The following KIAA0319L variants were observed in gnomAD, a reference collection of about 807,000 sequenced individuals.
The protein encoded by KIAA0319L is dyslexia-associated protein KIAA0319-like protein.
Under a neutral mutation model 120.1 loss-of-function variants are expected in KIAA0319L, and 55 were observed. The observed-to-expected ratio is 0.46, with a 90% CI of 0.37 to 0.57. The LOEUF (loss-of-function observed/expected upper bound fraction) is 0.57. Among genes scored for constraint, KIAA0319L ranks in the 20% least tolerant of loss-of-function variants. The pLI, the probability that KIAA0319L is intolerant of heterozygous loss-of-function variation, is 0.00. For missense variants in KIAA0319L, 1,049 were observed against 1,255.3 expected, an observed-to-expected ratio of 0.84 and a Z score of 2.48; for synonymous variants, 398 against 471.9, an observed-to-expected ratio of 0.84 and a Z score of 2.03.
At chr1:35,479,349 C>T (rs529959967) in intron 3 of KIAA0319L, 137 bp from the exon 4 acceptor site, 1 of 674,874 alleles carries the variant, frequency 1.5e-6, no homozygotes, top group Non-Finnish European at 2.4e-6. Flanking sequence ...ACTAATCTCA[C>T]CACCCAAATA....
chr1:35,545,785 C>A (rs1411301612), intron 2 of KIAA0319L, among the ~76,000 whole-genome samples: 1 of 152,068 alleles, frequency 6.6e-6, no homozygotes, highest in Non-Finnish European at 1.5e-5. Context: ...ATCCCAGCTA[C>A]TCAGGAGGCT....
intron 2 of KIAA0319L, among the ~76,000 whole-genome samples, chr1:35,548,402 G>GTATATTTAATACAGTATTAATAGTTT (rs1647066877): frequency 2.0e-5 from 3 of 151,892 alleles, no homozygotes; most frequent in South Asian, 2.1e-4. Context: ...CAGTATTATA[G>GTATATTTAATACAGTATTAATAGTTT]TATATTTAAT....
chr1:35,535,999 A>C (rs1646560486), intron 2 of KIAA0319L, among the ~76,000 whole-genome samples: 2 of 152,252 alleles, frequency 1.3e-5, no homozygotes, highest in East Asian at 1.9e-4. Flanking sequence ...AACAAAATCA[A>C]GCAAAAGATG....
At chr1:35,479,750 A>G (rs1315204594) in intron 3 of KIAA0319L, among the ~76,000 whole-genome samples, 3 of 151,880 alleles carry the variant, frequency 2.0e-5, no homozygotes, top group Non-Finnish European at 4.4e-5. Flanking sequence ...ACAAAACATA[A>G]AAAATTAGCT....
chr1:35,506,495 T>A lies in KIAA0319L; in HGVS notation c.666+117A>T. On this transcript the variant is annotated intron_variant, in intron 3 of 20. Transcript: ENST00000325722. The surrounding 1 kb of genome is among the most constrained non-coding windows in gnomAD (Gnocchi z 4.0). ...AAGAAGCTGACACCAAGCAGCTTTATATATACACTCCTCAGCCTATGAGCA... is the reference window on the plus strand; with the variant it reads ...AAGAAGCTGACACCAAGCAGCTTTAAATATACACTCCTCAGCCTATGAGCA... The A allele has an allele frequency of 1.0e-6, 1 of 986,702 alleles. No individual in the cohort carries two copies. Among genetic ancestry groups the A allele is most frequent in the Non-Finnish European group, 1.5e-6 (1 of 661,894 alleles). 61.1% of individuals were successfully genotyped at this position (986,702 alleles called of 1,614,324 possible).
chr1:35,501,723 A>G (rs1007886458), intron 3 of KIAA0319L, among the ~76,000 whole-genome samples: 9 of 152,176 alleles, frequency 5.9e-5, no homozygotes, highest in South Asian at 2.1e-4. Flanking sequence ...CTAAAAATAC[A>G]AAAAATTAGC....
At chr1:35,551,803 T>C (rs914002268) in intron 2 of KIAA0319L, among the ~76,000 whole-genome samples, 1 of 152,128 alleles carries the variant, frequency 6.6e-6, no homozygotes, top group African/African-American at 2.4e-5. Flanking sequence ...AAAATAGAAC[T>C]GGCATAACCT....
intron 14 of KIAA0319L, 133 bp from the exon 15 acceptor site, chr1:35,450,138 A>T: frequency 8.8e-7 from 1 of 1,140,970 alleles, no homozygotes; most frequent in Non-Finnish European, 1.3e-6. Context: ...CTGATACGGA[A>T]CAGCATTGCA....
chr1:35,449,424 C>A (rs77753677), intron 15 of KIAA0319L, among the ~76,000 whole-genome samples: 3,309 of 152,292 alleles, frequency 0.022, 119 homozygotes, highest in African/African-American at 0.076. Context: ...TCAGACAAGG[C>A]CTGAGGCTCA....
intron 7 of KIAA0319L, among the ~76,000 whole-genome samples, chr1:35,465,107 T>C (rs1214543595): frequency 6.6e-6 from 1 of 152,170 alleles, no homozygotes; most frequent in Admixed American, 6.5e-5. Flanking sequence ...ACACAGTCCC[T>C]ACTGGGGAAC....
At chr1:35,552,814 G>A (rs1184114397) in intron 2 of KIAA0319L, among the ~76,000 whole-genome samples, 1 of 152,016 alleles carries the variant, frequency 6.6e-6, no homozygotes, top group Non-Finnish European at 1.5e-5. Context: ...GCTCACATCT[G>A]TAATCTCAGC....
intron 18 of KIAA0319L, 82 bp from the exon 19 acceptor site, chr1:35,442,418 G>A: frequency 9.6e-7 from 1 of 1,038,476 alleles, no homozygotes; most frequent in Non-Finnish European, 1.5e-6. Context: ...TTGGGCAGGT[G>A]TGGCTTCACT....
At position 35,547,885 on chromosome 1, in the gene KIAA0319L, G is replaced by A. The variant is rs148859386; in HGVS notation, c.142+6465C>T. ...GCCTGTAATCCCAGCACTCTGGGAGGCCAAGGTGGGTAGAATGCTCAAGGC... is the reference window on the plus strand; with the variant it reads ...GCCTGTAATCCCAGCACTCTGGGAGACCAAGGTGGGTAGAATGCTCAAGGC... On this transcript the variant is annotated intron_variant, in intron 2 of 20. Transcript: ENST00000325722. 8.5e-5 allele frequency among the ~76,000 whole-genome samples: 13 copies of A among 152,290 alleles called. No homozygotes were observed. In the East Asian group the frequency reaches 2.3e-3, roughly 27 times the overall value.
In KIAA0319L at chr1:35,491,644, G is replaced by A. The variant is rs564168398; in HGVS notation, c.667-12432C>T. Among the ~76,000 whole-genome samples the A allele has an allele frequency of 3.0e-3, 449 of 152,084 alleles. 1 individual carries two copies. Among genetic ancestry groups the A allele is most frequent in the Non-Finnish European group, 4.2e-3 (286 of 67,982 alleles). On this transcript the variant is annotated intron_variant, in intron 3 of 20. Transcript: ENST00000325722. ...GTAATATTTTAAAAAAAGGATTAGC[G>A]CAGAAATCAATAAAATAGAAAACAG...
intron 2 of KIAA0319L, among the ~76,000 whole-genome samples, chr1:35,550,175 TA>T (rs996391564): frequency 6.6e-6 from 1 of 152,210 alleles, no homozygotes; most frequent in Non-Finnish European, 1.5e-5. Flanking sequence ...AAAGTGGAAA[TA>T]AAAAAGCTCA....
At chr1:35,536,735 A>G (rs982262906) in intron 2 of KIAA0319L, among the ~76,000 whole-genome samples, 1 of 152,228 alleles carries the variant, frequency 6.6e-6, no homozygotes, top group Non-Finnish European at 1.5e-5. Flanking sequence ...CATTTTTCAC[A>G]GCCAAGTATT....
At chr1:35,542,378 G>A (rs768113990) in intron 2 of KIAA0319L, among the ~76,000 whole-genome samples, 20 of 152,128 alleles carry the variant, frequency 1.3e-4, no homozygotes, top group South Asian at 4.1e-4. Context: ...CATGCTCCAC[G>A]CCCTTCGCCA....
chr1:35,462,874 G>A (rs1050684027), intron 7 of KIAA0319L, among the ~76,000 whole-genome samples, 161 bp from the exon 8 acceptor site: 24 of 152,166 alleles, frequency 1.6e-4, no homozygotes, highest in Admixed American at 3.9e-4. Context: ...TTCCATGAAC[G>A]GGTGGTGGGG....
intron 2 of KIAA0319L, among the ~76,000 whole-genome samples, chr1:35,537,913 C>T (rs1385253657): frequency 6.6e-6 from 1 of 152,180 alleles, no homozygotes; most frequent in Non-Finnish European, 1.5e-5. Context: ...TGTACAAACT[C>T]TTCCCTCTAT....
Sources: allele counts gnomAD v4.1 joint callset (sites outside exome capture counted in the v4.1 genomes callset), GRCh38; gene constraint gnomAD v4.1.1; non-coding constraint Gnocchi (gnomAD v3.1); transcripts MANE v1.5; gene names NCBI Gene and HGNC (gene_info 2026-07-23, HGNC 2026-07-21).